The following CNTN3 variants were observed in gnomAD, a reference collection of about 807,000 sequenced individuals.
CNTN3 encodes the protein contactin-3.
In CNTN3, 60 loss-of-function variants were observed where a neutral mutation model predicts 119.1. That is an observed-to-expected ratio of 0.50 (90% CI 0.41 to 0.62). CNTN3 has a LOEUF of 0.62. Ranked by LOEUF, CNTN3 falls within the 20% of genes least tolerant of loss-of-function variation. CNTN3 has a pLI of 0.00. For synonymous variants in CNTN3, 450 were observed against 438.7 expected, an observed-to-expected ratio of 1.03 and a Z score of -0.32; for missense variants, 1,101 against 1,242.4, an observed-to-expected ratio of 0.89 and a Z score of 1.71.
At chr3:74,405,471 G>A (rs1042609541) in intron 5 of CNTN3, among the ~76,000 whole-genome samples, 2 of 152,014 alleles carry the variant, frequency 1.3e-5, no homozygotes, top group African/African-American at 2.4e-5. Flanking sequence ...CATAGGGCAA[G>A]TTCCCATATT....
At chr3:74,461,500 ATAGT>A (rs1303301806) in intron 4 of CNTN3, among the ~76,000 whole-genome samples, 1 of 152,058 alleles carries the variant, frequency 6.6e-6, no homozygotes, top group Non-Finnish European at 1.5e-5. Context: ...AGGATCAATA[ATAGT>A]TGGTGCTACA....
intron 5 of CNTN3, among the ~76,000 whole-genome samples, chr3:74,416,540 G>T (rs4073942): frequency 1.3e-5 from 2 of 151,954 alleles, no homozygotes; most frequent in Admixed American, 1.3e-4. Flanking sequence ...GTGTGAGTGT[G>T]ATTGTAGCAG....
At chr3:74,445,438 T>G (rs985108292) in intron 4 of CNTN3, among the ~76,000 whole-genome samples, 1 of 151,834 alleles carries the variant, frequency 6.6e-6, no homozygotes, top group Non-Finnish European at 1.5e-5. Flanking sequence ...AATTTTTGTA[T>G]TTTTTAGTAG....
chr3:74,455,229 C>T (rs1010282445), intron 4 of CNTN3, among the ~76,000 whole-genome samples: 9 of 151,842 alleles, frequency 5.9e-5, no homozygotes, highest in African/African-American at 2.2e-4. Context: ...TCTAAACTTC[C>T]CTTCTCGCTT....
rs540146871 is a variant in CNTN3, at chr3:74,588,942, T to G, written c.-81+25449A>C. On this transcript the variant is annotated intron_variant, in intron 1 of 22. Transcript: ENST00000263665. ...AACTGGATCCCTTCCTTACACCTTATACAAAAACTAATTCAAGATGGATTA... is the reference window on the plus strand; with the variant it reads ...AACTGGATCCCTTCCTTACACCTTAGACAAAAACTAATTCAAGATGGATTA... Among the ~76,000 whole-genome samples, 3 of 152,230 alleles carry G rather than the reference T, an allele frequency of 2.0e-5. No homozygotes were observed. In the East Asian group the frequency reaches 5.8e-4, roughly 29 times the overall value.
intron 4 of CNTN3, among the ~76,000 whole-genome samples, chr3:74,484,965 A>C (rs1702826012): frequency 6.6e-6 from 1 of 152,218 alleles, no homozygotes; most frequent in Admixed American, 6.5e-5. Context: ...ATTTATTGAG[A>C]AATTTTAAGA....
intron 1 of CNTN3, among the ~76,000 whole-genome samples, chr3:74,531,051 G>A (rs1314293353): frequency 5.9e-5 from 9 of 151,950 alleles, no homozygotes; most frequent in South Asian, 2.1e-4. Flanking sequence ...TGGAATTACC[G>A]AGTTAGGAGG....
At chr3:74,589,964 G>C (rs1195139561) in intron 1 of CNTN3, among the ~76,000 whole-genome samples, 1 of 130,846 alleles carries the variant, frequency 7.6e-6, no homozygotes, top group Non-Finnish European at 1.7e-5. Context: ...TTGTGGGGTG[G>C]GGGGGAGGGG....
chr3:74,317,087 G>A (rs1475524379), intron 13 of CNTN3, among the ~76,000 whole-genome samples: 2 of 150,758 alleles, frequency 1.3e-5, no homozygotes, highest in African/African-American at 4.9e-5. Context: ...TTACCATTAT[G>A]TAATGGCCTT....
chr3:74,450,927 G>T (rs1702141710), intron 4 of CNTN3, among the ~76,000 whole-genome samples: 1 of 152,002 alleles, frequency 6.6e-6, no homozygotes, highest in African/African-American at 2.4e-5. Context: ...TGGACATTTG[G>T]GTTGGTTCCA....
In CNTN3 at chr3:74,279,408, C is replaced by T. The variant is rs142740195; in HGVS notation, c.2704+5897G>A. Among the ~76,000 whole-genome samples the T allele has an allele frequency of 1.0e-3, 155 of 152,136 alleles. 1 individual carries two copies. Among genetic ancestry groups the T allele is most frequent in the African/African-American group, 3.6e-3 (151 of 41,512 alleles). On this transcript the variant is annotated intron_variant, in intron 20 of 22. Transcript: ENST00000263665. The stretch of plus-strand genomic sequence containing the variant: ...ATAAAGAAACTGTGATATATATATA[C>T]ATATACATACACATACAAACACACA...
At chr3:74,517,945 T>C (rs538871757) in intron 2 of CNTN3, among the ~76,000 whole-genome samples, 1 of 152,082 alleles carries the variant, frequency 6.6e-6, no homozygotes, top group East Asian at 1.9e-4. Flanking sequence ...AAAACACTTT[T>C]ATGTGATGAG....
chr3:74,299,211 A>C (rs1702404917), intron 17 of CNTN3, among the ~76,000 whole-genome samples: 1 of 152,196 alleles, frequency 6.6e-6, no homozygotes, highest in African/African-American at 2.4e-5. Flanking sequence ...GTCTCAAAAA[A>C]AAAGGAAAAA....
chr3:74,550,491 T>A lies in CNTN3; in HGVS notation c.-80-29299A>T, dbSNP rs903378762. ...AAATACTCAGGTAAGGAAGAACTGC[T>A]TGGTCAGCTGATAGCAGCCACTTTT... On this transcript the variant is annotated intron_variant, in intron 1 of 22. Transcript: ENST00000263665. Among the ~76,000 whole-genome samples the A allele has an allele frequency of 3.9e-5, 6 of 152,340 alleles. No homozygotes were observed. The East Asian group carries it at 1.2e-3, about 29-fold the overall frequency.
intron 5 of CNTN3, among the ~76,000 whole-genome samples, chr3:74,388,298 TTTA>T (rs1704808206): frequency 6.6e-6 from 1 of 152,196 alleles, no homozygotes; most frequent in African/African-American, 2.4e-5. Flanking sequence ...ATATTAGAAG[TTTA>T]TTGAGTATAT....
intron 13 of CNTN3, among the ~76,000 whole-genome samples, chr3:74,324,570 A>T (rs536787033): frequency 5.3e-5 from 8 of 152,218 alleles, no homozygotes; most frequent in Non-Finnish European, 7.3e-5. Flanking sequence ...AAAATCTGCC[A>T]GAAGTTTTCT....
At chr3:74,399,151 T>G (rs6768371) in intron 5 of CNTN3, among the ~76,000 whole-genome samples, 61,416 of 151,880 alleles carry the variant, frequency 0.4, 12,994 homozygotes, top group East Asian at 0.65. Flanking sequence ...ATTTTTAACT[T>G]TTATTTTAAG....
At chr3:74,370,424 T>C (rs1559567927) in intron 6 of CNTN3, among the ~76,000 whole-genome samples, 1 of 152,108 alleles carries the variant, frequency 6.6e-6, no homozygotes, top group Non-Finnish European at 1.5e-5. Context: ...CAAACTGAAA[T>C]ATATAATATA....
At chr3:74,325,289 G>T (rs974928721) in intron 13 of CNTN3, among the ~76,000 whole-genome samples, 1 of 152,238 alleles carries the variant, frequency 6.6e-6, no homozygotes, top group South Asian at 2.1e-4. Flanking sequence ...ATAAAAGGTA[G>T]TTTTTTCTTG....
Sources: allele counts gnomAD v4.1 joint callset (sites outside exome capture counted in the v4.1 genomes callset), GRCh38; gene constraint gnomAD v4.1.1; transcripts MANE v1.5; gene names NCBI Gene and HGNC (gene_info 2026-07-23, HGNC 2026-07-21).